The following NHEJ1 variants were observed in gnomAD, a reference collection of about 807,000 sequenced individuals.
The protein encoded by NHEJ1 is non-homologous end-joining factor 1.
In NHEJ1, 22 loss-of-function variants were observed where a neutral mutation model predicts 39.4. The observed-to-expected ratio is 0.56, with a 90% confidence interval of 0.40 to 0.80. The LOEUF (loss-of-function observed/expected upper bound fraction) is 0.80, where lower values mean the gene tolerates loss of function less well. Among genes scored for constraint, NHEJ1 ranks in the 30% least tolerant of loss-of-function variants. NHEJ1 has a pLI of 0.00. For missense variants in NHEJ1, 329 were observed against 357.1 expected (o/e 0.92, Z 0.63); for synonymous variants, 154 against 135.6 (o/e 1.14, Z -0.94).
chr2:219,069,781 T>C lies in NHEJ1; in HGVS notation c.*6600A>G, dbSNP rs186197799. On this transcript the variant is annotated 3_prime_UTR_variant, in exon 8 of 8. Coordinates refer to ENST00000356853, the MANE Select transcript of NHEJ1 (RefSeq NM_024782.3). ...GGGAAGCTCCAGAGAATGGGCTATA[T>C]TGCTGACCAGGAAGGGAGATATAGG... 3.9e-5 allele frequency: 6 copies of C among 152,354 alleles called. No homozygotes were observed. The allele number at this position is 152,354 out of a possible 1,614,324, so 9.4% of individuals were successfully genotyped here.
At chr2:219,101,194 A>G (rs1280004220) in intron 5 of NHEJ1, among the ~76,000 whole-genome samples, 1 of 152,110 alleles carries the variant, frequency 6.6e-6, no homozygotes, top group African/African-American at 2.4e-5. Context: ...GGCTCACTGC[A>G]ACCTCTGCCT....
chr2:219,133,996 G>A (rs910032460), intron 5 of NHEJ1, among the ~76,000 whole-genome samples: 2 of 151,926 alleles, frequency 1.3e-5, no homozygotes, highest in African/African-American at 2.4e-5. Flanking sequence ...ATCTTATTTC[G>A]TTTAAACTAC....
chr2:219,121,613 G>A (rs1265987596), intron 5 of NHEJ1, among the ~76,000 whole-genome samples: 1 of 152,008 alleles, frequency 6.6e-6, no homozygotes, highest in South Asian at 2.1e-4. Context: ...GGCTGAGGCA[G>A]GTGGATCACT....
At chr2:219,146,816 C>CT in intron 4 of NHEJ1, 78 bp from the exon 5 acceptor site, 1 of 1,111,450 alleles carries the variant, frequency 9.0e-7, no homozygotes, top group Non-Finnish European at 1.4e-6. Flanking sequence ...GGGAACAGAA[C>CT]AGGGCTACTT....
chr2:219,158,426 C>T lies in NHEJ1; in HGVS notation c.1-64G>A, dbSNP rs1053652859. The T allele has an allele frequency of 1.3e-5, 19 of 1,480,666 alleles. No homozygotes were observed. The African/African-American group carries it at 2.4e-4, about 18-fold the overall frequency. 91.7% of individuals were successfully genotyped at this position (1,480,666 alleles called of 1,614,324 possible). Reference sequence around the variant, plus strand: ...CATGCTGGCCTAGGGAGGGCACCACCCAAACCAGTCTGTATCAACTAAAAT... The same window carrying T: ...CATGCTGGCCTAGGGAGGGCACCACTCAAACCAGTCTGTATCAACTAAAAT... On this transcript the variant is annotated intron_variant, in intron 1 of 7. Coordinates refer to ENST00000356853, the MANE Select transcript of NHEJ1 (RefSeq NM_024782.3).
chr2:219,144,247 C>A (rs557074252), intron 5 of NHEJ1, among the ~76,000 whole-genome samples: 1 of 152,190 alleles, frequency 6.6e-6, no homozygotes, highest in East Asian at 1.9e-4. Flanking sequence ...ATAGACTTAT[C>A]AAAATATTAA....
In NHEJ1 at chr2:219,124,096, GA is replaced by G. The variant is rs144430137; in HGVS notation, c.588+22583del. On this transcript the variant is annotated intron_variant, in intron 5 of 7. Transcript: ENST00000356853. ...GTAAACCTCAAAGACTTCAGCCTGG[GA>G]CATCAGGCCAGCTGTCATCAACCTA... Among the ~76,000 whole-genome samples the G allele has an allele frequency of 3.9e-5, 6 of 152,256 alleles. No homozygotes were observed. In the East Asian group the frequency reaches 1.2e-3, roughly 29 times the overall value.
chr2:219,158,643 A>G (rs1269059585), intron 1 of NHEJ1, among the ~76,000 whole-genome samples: 2 of 152,072 alleles, frequency 1.3e-5, no homozygotes, highest in African/African-American at 4.8e-5. Context: ...ACCTCAGCAT[A>G]TTGCTGTTAG....
chr2:219,128,695 C>A (rs745724373), intron 5 of NHEJ1, among the ~76,000 whole-genome samples: 1 of 152,158 alleles, frequency 6.6e-6, no homozygotes, highest in Non-Finnish European at 1.5e-5. Flanking sequence ...CGTTCTTGCC[C>A]GGCCTCAGGA....
chr2:219,129,322 G>T (rs1574729606), intron 5 of NHEJ1, among the ~76,000 whole-genome samples: 1 of 152,184 alleles, frequency 6.6e-6, no homozygotes, highest in South Asian at 2.1e-4. Flanking sequence ...TGGGAGCCTA[G>T]TTCTTGGAGG....
Position 219,111,907 on chromosome 2 carries a change from G to A in NHEJ1, c.589-33701C>T, listed in dbSNP as rs1474021151. Among the ~76,000 whole-genome samples the A allele has an allele frequency of 6.6e-6, 1 of 152,132 alleles. No individual in the cohort carries two copies. The highest frequency in any genetic ancestry group is 1.5e-5 in the Non-Finnish European group (1 of 68,026). On this transcript the variant is annotated intron_variant, in intron 5 of 7. Coordinates refer to ENST00000356853, the MANE Select transcript of NHEJ1 (RefSeq NM_024782.3). The surrounding 1 kb of genome is among the most constrained non-coding windows in gnomAD (Gnocchi z 4.1). ...TGGGGCGAGGCCATGCTTTAGGGGT[G>A]GGGGGATGAATGAGAGGGGCAGGAG...
At position 219,085,874 on chromosome 2, in the gene NHEJ1, G is replaced by C. The variant is rs191403436; in HGVS notation, c.589-7668C>G. On this transcript the variant is annotated intron_variant, in intron 5 of 7. Coordinates refer to ENST00000356853, the MANE Select transcript of NHEJ1 (RefSeq NM_024782.3). ...GATAATTTTGCTGCCTCTCTCTCACGATGCTGGACATGCAATGGAGTAAGA... is the reference window on the plus strand; with the variant it reads ...GATAATTTTGCTGCCTCTCTCTCACCATGCTGGACATGCAATGGAGTAAGA... Among the ~76,000 whole-genome samples the C allele has an allele frequency of 1.8e-3, 269 of 152,212 alleles. 2 individuals are homozygous for C. The highest frequency in any genetic ancestry group is 7.8e-4 in the Non-Finnish European group (53 of 68,010).
chr2:219,131,526 A>T (rs1949578690), intron 5 of NHEJ1, among the ~76,000 whole-genome samples: 1 of 152,202 alleles, frequency 6.6e-6, no homozygotes, highest in Admixed American at 6.5e-5. Flanking sequence ...AAATAGCTTC[A>T]GGGGGTAGTT....
At chr2:219,110,223 AAAAAGCAGAAT>A (rs1468310341) in intron 5 of NHEJ1, among the ~76,000 whole-genome samples, 1 of 152,164 alleles carries the variant, frequency 6.6e-6, no homozygotes, top group Non-Finnish European at 1.5e-5. Context: ...CAACGTAATT[AAAAAGCAGAAT>A]CTAAGGGGTG....
chr2:219,152,789 T>TTTTTTTTATTTATTTA (rs1553548971), intron 3 of NHEJ1, among the ~76,000 whole-genome samples: 4 of 87,736 alleles, frequency 4.6e-5, no homozygotes, highest in Admixed American at 1.1e-4. Context: ...ATTTATTTAT[T>TTTTTTTTATTTATTTA]TTTATTTATT....
At chr2:219,140,309 T>C (rs1243804994) in intron 5 of NHEJ1, among the ~76,000 whole-genome samples, 2 of 152,234 alleles carry the variant, frequency 1.3e-5, no homozygotes, top group South Asian at 2.1e-4. Flanking sequence ...TTTTACTCTA[T>C]AAATGAAGTG....
At chr2:219,094,316 C>T (rs1288416595) in intron 5 of NHEJ1, among the ~76,000 whole-genome samples, 2 of 152,276 alleles carry the variant, frequency 1.3e-5, no homozygotes, top group African/African-American at 4.8e-5. Context: ...AGATATACTT[C>T]AATTCAGACC....
In NHEJ1 at chr2:219,074,809, T is replaced by G. The variant is rs1948997497; in HGVS notation, c.*1572A>C. Among the ~76,000 whole-genome samples, 1 of 151,784 alleles carries G rather than the reference T, an allele frequency of 6.6e-6. No homozygotes were observed. Among genetic ancestry groups the G allele is most frequent in the South Asian group, 2.1e-4 (1 of 4,810 alleles). On this transcript the variant is annotated 3_prime_UTR_variant, in exon 8 of 8. Transcript: ENST00000356853. ...TAGGCTGTTTTTATATAGTTCCCAA[T>G]TCACTTCGATGACAGTCACTACCAC...
chr2:219,088,605 T>C (rs1949132957), intron 5 of NHEJ1, among the ~76,000 whole-genome samples: 1 of 152,152 alleles, frequency 6.6e-6, no homozygotes, highest in Admixed American at 6.5e-5. Context: ...TTAATGATCA[T>C]ATTAGAAGTC....
Sources: allele counts gnomAD v4.1 joint callset (sites outside exome capture counted in the v4.1 genomes callset), GRCh38; gene constraint gnomAD v4.1.1; non-coding constraint Gnocchi (gnomAD v3.1); transcripts MANE v1.5; gene names NCBI Gene and HGNC (gene_info 2026-07-23, HGNC 2026-07-21).